INTS4: variants seen among roughly 807,000 people sequenced by gnomAD.
INTS4 encodes the protein MSTP093.
In INTS4, 70 loss-of-function variants were observed where a neutral mutation model predicts 119.5. The observed-to-expected ratio is 0.59, with a 90% CI of 0.48 to 0.71. The LOEUF (loss-of-function observed/expected upper bound fraction) is 0.71. Ranked by LOEUF, INTS4 falls within the 30% of genes least tolerant of loss-of-function variation. The pLI, the probability that INTS4 is intolerant of heterozygous loss-of-function variation, is 0.00. For missense variants in INTS4, 867 were observed against 1,173.2 expected (o/e 0.74, Z 3.81); for synonymous variants, 316 against 419.6 (o/e 0.75, Z 3.02).
intron 8 of INTS4, among the ~76,000 whole-genome samples, chr11:77,943,043 G>A (rs765808597): frequency 1.3e-5 from 2 of 152,008 alleles, no homozygotes; most frequent in African/African-American, 2.4e-5. Flanking sequence ...AACTATAAAC[G>A]CTTAAGACCT....
In INTS4 at chr11:77,940,621, T is replaced by G. The variant is rs542214328; in HGVS notation, c.990+559A>C. ...ATTAATCTTTTGAGGTTTTCTGGGG[T>G]TTTTTGGTTGTTGTTTTTTGGGTTT... On this transcript the variant is annotated intron_variant, in intron 9 of 22. Transcript: ENST00000534064. Among the ~76,000 whole-genome samples the G allele has an allele frequency of 2.0e-4, 30 of 152,050 alleles. No homozygotes were observed. In the South Asian group the frequency reaches 3.5e-3, roughly 18 times the overall value.
intron 4 of INTS4, among the ~76,000 whole-genome samples, chr11:77,969,140 G>A (rs997766742): frequency 2.6e-5 from 4 of 152,028 alleles, no homozygotes; most frequent in Non-Finnish European, 4.4e-5. Flanking sequence ...TCACCATGTT[G>A]GCCAGGCTGG....
chr11:77,925,410 A>G (rs1953472253), intron 11 of INTS4, among the ~76,000 whole-genome samples: 1 of 152,260 alleles, frequency 6.6e-6, no homozygotes, highest in African/African-American at 2.4e-5. Context: ...ACATAAAGTG[A>G]GCACATGCTA....
At chr11:77,916,784 G>C (rs1391583489) in intron 15 of INTS4, among the ~76,000 whole-genome samples, 1 of 152,156 alleles carries the variant, frequency 6.6e-6, no homozygotes, top group Non-Finnish European at 1.5e-5. Context: ...GATGGGTCGG[G>C]GACTTTCATC....
chr11:77,877,879 C>G (rs570101594), downstream of INTS4, among the ~76,000 whole-genome samples: 12 of 152,256 alleles, frequency 7.9e-5, no homozygotes, highest in East Asian at 2.1e-3. Context: ...GCCACAGCCC[C>G]CAGCCCCATG....
intron 4 of INTS4, among the ~76,000 whole-genome samples, chr11:77,977,213 A>G (rs1158396734): frequency 6.6e-6 from 1 of 152,178 alleles, no homozygotes; most frequent in African/African-American, 2.4e-5. Context: ...AATATTTTAG[A>G]CTAACAATAT....
chr11:77,994,121 C>T (rs1856804434), intron 1 of INTS4, among the ~76,000 whole-genome samples: 1 of 152,132 alleles, frequency 6.6e-6, no homozygotes, highest in Non-Finnish European at 1.5e-5. Flanking sequence ...ATTCTATAGA[C>T]CCTTCTTTCA....
intron 10 of INTS4, among the ~76,000 whole-genome samples, chr11:77,936,764 AAAGGAAGG>A (rs112761376): frequency 5.9e-5 from 9 of 152,118 alleles, no homozygotes; most frequent in South Asian, 2.1e-4. Flanking sequence ...CTGGAGAAAG[AAAGGAAGG>A]AAGGAAGGAA....
At chr11:77,944,645 T>A (rs1355238714) in intron 8 of INTS4, among the ~76,000 whole-genome samples, 1 of 152,214 alleles carries the variant, frequency 6.6e-6, no homozygotes, top group Non-Finnish European at 1.5e-5. Context: ...GAACAGGTGA[T>A]TTAAAGATTA....
chr11:77,906,026 A>G (rs978510530), intron 16 of INTS4, among the ~76,000 whole-genome samples: 1 of 152,154 alleles, frequency 6.6e-6, no homozygotes, highest in Non-Finnish European at 1.5e-5. Flanking sequence ...AAAAATAAAT[A>G]TCTTTAAATT....
At chr11:77,971,526 G>A (rs1293084893) in intron 4 of INTS4, among the ~76,000 whole-genome samples, 1 of 152,070 alleles carries the variant, frequency 6.6e-6, no homozygotes, top group Non-Finnish European at 1.5e-5. Flanking sequence ...TGTAATCCCA[G>A]CTACTAAGGA....
In INTS4 at chr11:77,977,114, AAAAT is replaced by A. The variant is rs1487253802; in HGVS notation, c.471+1878_471+1881del. On this transcript the variant is annotated intron_variant, in intron 4 of 22. Transcript: ENST00000534064. ...AAAAGAATAAAATAAAATAAAAATA[AAAAT>A]AAATAAATTCTAAATGTTTTCAATT... 1.2e-3 allele frequency among the ~76,000 whole-genome samples: 186 copies of A among 152,242 alleles called. 1 individual carries two copies. The highest frequency in any genetic ancestry group is 3.1e-3 in the Admixed American group (48 of 15,296).
At chr11:77,985,454 G>A (rs901474089) in intron 2 of INTS4, among the ~76,000 whole-genome samples, 1 of 152,034 alleles carries the variant, frequency 6.6e-6, no homozygotes, top group Non-Finnish European at 1.5e-5. Context: ...TCTTCCAACT[G>A]GCCAAAATCT....
chr11:77,912,086 G>A (rs1317501018), intron 15 of INTS4, among the ~76,000 whole-genome samples: 1 of 152,016 alleles, frequency 6.6e-6, no homozygotes, highest in East Asian at 1.9e-4. Context: ...ATACGGCTAG[G>A]CGCGGTGGCT....
intron 4 of INTS4, chr11:77,963,364 A>AC (rs1226436545): frequency 2.0e-5 from 8 of 392,650 alleles, no homozygotes; most frequent in East Asian, 7.8e-5. Flanking sequence ...AAAAAAAAAA[A>AC]AAAAAAAAAA....
intron 15 of INTS4, among the ~76,000 whole-genome samples, chr11:77,908,049 G>A (rs561807001): frequency 0.25 from 88 of 346 alleles, no homozygotes; most frequent in Admixed American, 0.33. Context: ...CACATATATG[G>A]TAAAATGTTT....
At chr11:77,994,388 T>C (rs1451843622) in intron 1 of INTS4, among the ~76,000 whole-genome samples, 1 of 152,182 alleles carries the variant, frequency 6.6e-6, no homozygotes, top group African/African-American at 2.4e-5. Context: ...AATAATTTTT[T>C]TAAAATCCTG....
At chr11:77,907,020 C>T (rs1793344) in intron 16 of INTS4, among the ~76,000 whole-genome samples, 59,654 of 152,046 alleles carry the variant, frequency 0.39, 11,970 homozygotes, top group African/African-American at 0.45. Context: ...CGCCAGCAAG[C>T]TGGTCTTTTT....
chr11:77,932,238 T>G (rs1035932853), intron 10 of INTS4, among the ~76,000 whole-genome samples: 4 of 151,214 alleles, frequency 2.6e-5, no homozygotes, highest in Non-Finnish European at 5.9e-5. Context: ...TAAACAAATT[T>G]CCAAAAAACA....
Sources: gnomAD v4.1 joint callset for allele counts (sites outside exome capture counted in the v4.1 genomes callset) on GRCh38, gnomAD v4.1.1 for gene constraint, MANE v1.5 for transcripts, NCBI Gene and HGNC (gene_info 2026-07-23, HGNC 2026-07-21) for gene names.